The following GAS7 variants were observed in gnomAD, a reference collection of about 807,000 sequenced individuals.
GAS7 encodes growth arrest-specific protein 7.
GAS7 carries 28 observed loss-of-function variants against 71.1 expected under a neutral mutation model. The observed-to-expected ratio is 0.39, with a 90% confidence interval of 0.29 to 0.54. The LOEUF (loss-of-function observed/expected upper bound fraction) is 0.54. Ranked by LOEUF, GAS7 falls within the 20% of genes least tolerant of loss-of-function variation. GAS7 has a pLI of 0.62. For synonymous variants in GAS7, 258 were observed against 245.8 expected (o/e 1.05, Z -0.46); for missense variants, 436 against 627.8 (o/e 0.69, Z 3.27).
chr17:10,055,889 C>G (rs2073129758), intron 1 of GAS7, among the ~76,000 whole-genome samples: 1 of 152,172 alleles, frequency 6.6e-6, no homozygotes, highest in African/African-American at 2.4e-5. Flanking sequence ...TGGTCCCAAT[C>G]TCCATTTTTA....
At chr17:10,110,462 A>G (rs12947981) in intron 1 of GAS7, among the ~76,000 whole-genome samples, 12,472 of 152,034 alleles carry the variant, frequency 0.082, 605 homozygotes, top group South Asian at 0.17. Flanking sequence ...GACAGAAGAT[A>G]TAAGTTCTTT....
intron 5 of GAS7, among the ~76,000 whole-genome samples, chr17:9,952,737 T>C (rs937671681): frequency 1.3e-5 from 2 of 152,170 alleles, no homozygotes. Context: ...AACAAGCATA[T>C]GCAAAAATGC....
intron 1 of GAS7, among the ~76,000 whole-genome samples, chr17:10,187,888 ATC>A (rs1302189583): frequency 1.3e-5 from 2 of 152,200 alleles, no homozygotes; most frequent in African/African-American, 4.8e-5. Flanking sequence ...TGGACACACC[ATC>A]TCTTTTTGCC....
chr17:10,023,108 G>A (rs927733232), intron 1 of GAS7, among the ~76,000 whole-genome samples: 6 of 152,236 alleles, frequency 3.9e-5, no homozygotes, highest in Non-Finnish European at 5.9e-5. Flanking sequence ...ATACTGAGCC[G>A]TGAAGGGCCA....
chr17:10,120,811 C>T (rs774933512), intron 1 of GAS7, among the ~76,000 whole-genome samples: 2 of 152,154 alleles, frequency 1.3e-5, no homozygotes, highest in African/African-American at 2.4e-5. Context: ...CGTGGGCAGC[C>T]GGGGGAGAGG....
chr17:9,938,335 C>T lies in GAS7; in HGVS notation c.806+1791G>A, dbSNP rs529287439. On this transcript the variant is annotated intron_variant, in intron 8 of 13. Transcript: ENST00000432992. ...CAGCCTGACCAACATGGTGAAACCC[C>T]GTCTCTACTAAAAATACAAAAAATT... is the stretch of plus-strand genomic sequence containing the variant. Among the ~76,000 whole-genome samples, 56 of 151,774 alleles carry T rather than the reference C, an allele frequency of 3.7e-4. 1 individual carries two copies. In the South Asian group the frequency reaches 9.2e-3, roughly 25 times the overall value.
At chr17:10,060,833 T>C (rs1185856381) in intron 1 of GAS7, among the ~76,000 whole-genome samples, 1 of 152,212 alleles carries the variant, frequency 6.6e-6, no homozygotes. Flanking sequence ...CGATCCCACA[T>C]GTAGCCTGTG....
chr17:10,019,018 C>T (rs1006389589), intron 2 of GAS7, among the ~76,000 whole-genome samples: 3 of 152,166 alleles, frequency 2.0e-5, no homozygotes, highest in Non-Finnish European at 4.4e-5. Flanking sequence ...CCTGCCCTGC[C>T]CAAGACCACA....
chr17:10,054,587 G>A (rs1450320949), intron 1 of GAS7, among the ~76,000 whole-genome samples: 1 of 152,224 alleles, frequency 6.6e-6, no homozygotes, highest in Non-Finnish European at 1.5e-5. Context: ...CCGGCTACCA[G>A]TGTGCAACCC....
At chr17:9,986,382 C>CATCCTTGCA (rs2070649725) in intron 2 of GAS7, among the ~76,000 whole-genome samples, 1 of 152,188 alleles carries the variant, frequency 6.6e-6, no homozygotes, top group South Asian at 2.1e-4. Flanking sequence ...CTACTCCTTC[C>CATCCTTGCA]ATCCTTGCAC....
In GAS7 at chr17:10,172,027, G is replaced by A. The variant is rs16959406; in HGVS notation, c.183+26181C>T. Among the ~76,000 whole-genome samples the A allele has an allele frequency of 9.9e-3, 1,511 of 152,254 alleles. 73 individuals carry two copies. The highest frequency in any genetic ancestry group is 0.083 in the Admixed American group (1,275 of 15,292). The stretch of plus-strand genomic sequence containing the variant: ...GGGAAAACAGCACACACAGGACAGC[G>A]GATGATCTAGCATTCGCAAAAGCAA... On this transcript the variant is annotated intron_variant, in intron 1 of 13. Transcript: ENST00000432992.
At position 9,972,872 on chromosome 17, in the gene GAS7, A is replaced by T. The variant is rs367613659; in HGVS notation, c.386-3110T>A. On this transcript the variant is annotated intron_variant, in intron 3 of 13. Coordinates refer to ENST00000432992, the MANE Select transcript of GAS7 (RefSeq NM_201433.2). ...ACTGTAATTACACAATATTTAGAAA[A>T]TAATAAAGAAGAATATATCAAAACA... is the stretch of plus-strand genomic sequence containing the variant. Among the ~76,000 whole-genome samples the T allele has an allele frequency of 1.9e-3, 284 of 152,338 alleles. No individual in the cohort carries two copies. In the Middle Eastern group the frequency reaches 0.024, roughly 13 times the overall value.
At chr17:10,163,348 AC>A (rs2064260029) in intron 1 of GAS7, among the ~76,000 whole-genome samples, 1 of 150,742 alleles carries the variant, frequency 6.6e-6, no homozygotes, top group African/African-American at 2.4e-5. Context: ...TGGTTTTGGA[AC>A]TCCTGACCTC....
At chr17:10,151,386 A>T (rs1460241132) in intron 1 of GAS7, among the ~76,000 whole-genome samples, 1 of 151,888 alleles carries the variant, frequency 6.6e-6, no homozygotes, top group African/African-American at 2.4e-5. Context: ...AGCCTCTTTT[A>T]AGTATTGTTT....
At chr17:10,093,638 C>T (rs969071110) in intron 1 of GAS7, among the ~76,000 whole-genome samples, 4 of 150,376 alleles carry the variant, frequency 2.7e-5, no homozygotes, top group African/African-American at 7.3e-5. Flanking sequence ...GAAAGAGGGG[C>T]CAAAAGCTTC....
intron 1 of GAS7, among the ~76,000 whole-genome samples, chr17:10,087,229 G>A (rs972542128): frequency 6.6e-6 from 1 of 152,206 alleles, no homozygotes; most frequent in African/African-American, 2.4e-5. Flanking sequence ...AGAGCACATG[G>A]GTTCAGCTAC....
Position 10,112,595 on chromosome 17 carries a change from C to A in GAS7, c.183+85613G>T, listed in dbSNP as rs538803350. Among the ~76,000 whole-genome samples, 5 of 152,048 alleles carry A rather than the reference C, an allele frequency of 3.3e-5. No individual in the cohort carries two copies. The East Asian group carries it at 5.8e-4, about 18-fold the overall frequency. On this transcript the variant is annotated intron_variant, in intron 1 of 13. Transcript: ENST00000432992. Reference sequence around the variant, plus strand: ...TACTAAAAATACAAAATTAGCCGGGCATGGTGGCACATGCCTGTAATCCCA... The same window carrying A: ...TACTAAAAATACAAAATTAGCCGGGAATGGTGGCACATGCCTGTAATCCCA...
rs11429483 is a variant in GAS7, at chr17:10,091,967, TA to T, written c.184-72071del. 1.2e-3 allele frequency among the ~76,000 whole-genome samples: 183 copies of T among 147,518 alleles called. 1 individual carries two copies. Among genetic ancestry groups the T allele is most frequent in the Admixed American group, 1.0e-3 (15 of 14,850 alleles). ...TGTGTCATAAAATTTTGTCTCAATT[TA>T]AAAAAAAAAAAATGTGCCCTGACTA... On this transcript the variant is annotated intron_variant, in intron 1 of 13. Transcript: ENST00000432992.
chr17:10,095,136 C>A (rs1057244302), intron 1 of GAS7, among the ~76,000 whole-genome samples: 1 of 152,200 alleles, frequency 6.6e-6, no homozygotes, highest in South Asian at 2.1e-4. Context: ...ACCCTCCTTA[C>A]AGGGCTCTTA....
Sources: gnomAD v4.1 joint callset for allele counts (sites outside exome capture counted in the v4.1 genomes callset) on GRCh38, gnomAD v4.1.1 for gene constraint, MANE v1.5 for transcripts, NCBI Gene and HGNC (gene_info 2026-07-23, HGNC 2026-07-21) for gene names.